DSCAML1: variants seen among roughly 807,000 people sequenced by gnomAD.
DSCAML1 encodes cell adhesion molecule DSCAML1.
Under a neutral mutation model 200.5 loss-of-function variants are expected in DSCAML1, and 38 were observed. The observed-to-expected ratio is 0.19, with a 90% CI of 0.15 to 0.25. The LOEUF is 0.25. DSCAML1 is among the 10% of genes least tolerant of loss of function. DSCAML1 has a pLI of 1.00. For missense variants in DSCAML1, 2,223 were observed against 2,858.8 expected, an observed-to-expected ratio of 0.78 and a Z score of 5.07; for synonymous variants, 1,215 against 1,165.0, an observed-to-expected ratio of 1.04 and a Z score of -0.87.
At chr11:117,809,545 C>T (rs918300906) in intron 1 of DSCAML1, among the ~76,000 whole-genome samples, 1 of 152,198 alleles carries the variant, frequency 6.6e-6, no homozygotes, top group African/African-American at 2.4e-5. Context: ...ACATAGACGG[C>T]GGCCACTCAA....
At chr11:117,672,487 G>A (rs1443550789) in intron 3 of DSCAML1, among the ~76,000 whole-genome samples, 3 of 152,100 alleles carry the variant, frequency 2.0e-5, no homozygotes, top group African/African-American at 4.8e-5. Context: ...TGGCAAAGTC[G>A]AAAAGTGCTC....
At chr11:117,689,802 G>C (rs1197239926) in intron 3 of DSCAML1, among the ~76,000 whole-genome samples, 1 of 152,212 alleles carries the variant, frequency 6.6e-6, no homozygotes, top group Non-Finnish European at 1.5e-5. Flanking sequence ...TCTCCTGGAG[G>C]ATAGGTATTT....
chr11:117,788,258 C>T (rs1407763819), intron 1 of DSCAML1, among the ~76,000 whole-genome samples: 4 of 152,214 alleles, frequency 2.6e-5, no homozygotes, highest in Admixed American at 6.5e-5. Context: ...CCACTACCTT[C>T]CCCATCACAG....
At chr11:117,561,061 AGG>A (rs2050653762) in intron 3 of DSCAML1, among the ~76,000 whole-genome samples, 2 of 152,180 alleles carry the variant, frequency 1.3e-5, no homozygotes, top group African/African-American at 4.8e-5. Context: ...CTCAGGCTGC[AGG>A]GGCAGACCCC....
chr11:117,630,765 C>A (rs533220897), intron 3 of DSCAML1, among the ~76,000 whole-genome samples: 1 of 150,886 alleles, frequency 6.6e-6, no homozygotes, highest in Non-Finnish European at 1.5e-5. Flanking sequence ...TGAGAATGAG[C>A]CTTTCCTGAA....
chr11:117,794,625 C>T (rs1338565995), intron 1 of DSCAML1, among the ~76,000 whole-genome samples: 1 of 152,080 alleles, frequency 6.6e-6, no homozygotes, highest in Non-Finnish European at 1.5e-5. Flanking sequence ...TTTTCTGTAA[C>T]AGGCTCGAAC....
At chr11:117,817,071 T>C (rs917424765) in intron 1 of DSCAML1, among the ~76,000 whole-genome samples, 2 of 152,296 alleles carry the variant, frequency 1.3e-5, no homozygotes, top group East Asian at 3.9e-4. Context: ...GGTGGACCCT[T>C]TAGCAAGGGA....
intron 3 of DSCAML1, among the ~76,000 whole-genome samples, chr11:117,553,473 C>T (rs929029793): frequency 4.6e-5 from 7 of 152,240 alleles, no homozygotes; most frequent in Admixed American, 1.3e-4. Context: ...CATGGTCAAA[C>T]GACTTGAATA....
At chr11:117,573,581 T>C (rs775065897) in intron 3 of DSCAML1, among the ~76,000 whole-genome samples, 6 of 152,124 alleles carry the variant, frequency 3.9e-5, no homozygotes, top group Non-Finnish European at 8.8e-5. Context: ...CAGAGGTAGG[T>C]GGGATCCTGC....
At position 117,481,954 on chromosome 11, in the gene DSCAML1, G is replaced by A. The variant is rs760234767; in HGVS notation, c.2559+9C>T. ...TGGGGTCCCCCAGCACTGAGGTGGG[G>A]GTGCTCACCTTCAGTGTGGAGACGA... On this transcript the variant is annotated intron_variant, in intron 12 of 32. Transcript: ENST00000651296. 3 of 1,613,686 alleles carry A rather than the reference G, an allele frequency of 1.9e-6. No homozygotes were observed. The highest frequency in any genetic ancestry group is 1.3e-5 in the African/African-American group (1 of 74,916).
At chr11:117,487,616 C>A (rs1389100855) in intron 11 of DSCAML1, among the ~76,000 whole-genome samples, 3 of 152,202 alleles carry the variant, frequency 2.0e-5, no homozygotes, top group Non-Finnish European at 4.4e-5. Context: ...CTCATAATTA[C>A]AAGCTCAGGT....
intron 2 of DSCAML1, among the ~76,000 whole-genome samples, chr11:117,779,290 T>C (rs2055190023): frequency 6.6e-6 from 1 of 152,176 alleles, no homozygotes; most frequent in African/African-American, 2.4e-5. Flanking sequence ...CCATTGATTG[T>C]GAGACACCAG....
At chr11:117,669,788 G>T (rs2053063362) in intron 3 of DSCAML1, among the ~76,000 whole-genome samples, 1 of 152,228 alleles carries the variant, frequency 6.6e-6, no homozygotes, top group South Asian at 2.1e-4. Context: ...AGGAACATGT[G>T]CAAAGGCCCT....
rs1407315858 is a variant in DSCAML1 at position 117,780,290 on chromosome 11, AAGAAAGAAAGAAAG to A, written c.364+189_364+202del. 2.2e-3 allele frequency among the ~76,000 whole-genome samples: 217 copies of A among 100,188 alleles called. 7 individuals carry two copies. The highest frequency in any genetic ancestry group is 5.4e-3 in the South Asian group (15 of 2,766). The allele number at this position is 100,188 out of a possible 152,430, so 65.7% of individuals were successfully genotyped here. ...AAAGAAAGAAAGAAAGAAAGAAAGAAAGAAAGAAAGAAAGAGAGAAAGGAGAAAGAAAGGTGTCT... is the reference window on the plus strand; with the variant it reads ...AAAGAAAGAAAGAAAGAAAGAAAGAAAGAGAAAGGAGAAAGAAAGGTGTCT... On this transcript the variant is annotated intron_variant, in intron 2 of 32. Transcript: ENST00000651296. The surrounding 1 kb of genome is among the most constrained non-coding windows in gnomAD (Gnocchi z 4.8).
At chr11:117,672,121 A>AAAAAAAAAAAAAG (rs1555196996) in intron 3 of DSCAML1, among the ~76,000 whole-genome samples, 1 of 147,468 alleles carries the variant, frequency 6.8e-6, no homozygotes, top group Admixed American at 6.8e-5. Context: ...AAAAAAAAAA[A>AAAAAAAAAAAAAG]AAGAAGAAAC....
chr11:117,463,872 A>G lies in DSCAML1; in HGVS notation c.3265+1070T>C, dbSNP rs1363703855. ...AGAATCTCTGGTGTTGAAGCCTGGC[A>G]TCAGTATTTTGAAAGTTCCCCAGAT... On this transcript the variant is annotated intron_variant, in intron 17 of 32. Coordinates refer to ENST00000651296, the MANE Select transcript of DSCAML1 (RefSeq NM_020693.4). The surrounding 1 kb of genome is among the most constrained non-coding windows in gnomAD (Gnocchi z 4.0). 6.6e-6 allele frequency among the ~76,000 whole-genome samples: 1 copy of G among 152,194 alleles called. No individual in the cohort carries two copies. Among genetic ancestry groups the G allele is most frequent in the East Asian group, 1.9e-4 (1 of 5,182 alleles).
At chr11:117,447,964 TCA>T (rs2048213504) in intron 20 of DSCAML1, among the ~76,000 whole-genome samples, 1 of 152,234 alleles carries the variant, frequency 6.6e-6, no homozygotes, top group African/African-American at 2.4e-5. Context: ...CTCACTAAGT[TCA>T]GTTTCCCCCC....
At chr11:117,758,162 A>C (rs954730221) in intron 3 of DSCAML1, among the ~76,000 whole-genome samples, 1 of 151,768 alleles carries the variant, frequency 6.6e-6, no homozygotes, top group African/African-American at 2.4e-5. Context: ...TTAGCTGGGC[A>C]TGGTGGCAGG....
At chr11:117,574,793 T>A (rs1051482410) in intron 3 of DSCAML1, among the ~76,000 whole-genome samples, 2 of 152,112 alleles carry the variant, frequency 1.3e-5, no homozygotes, top group Admixed American at 6.5e-5. Flanking sequence ...GAAAGCAGCA[T>A]GTGCAAAGAG....
Sources: allele counts gnomAD v4.1 joint callset (sites outside exome capture counted in the v4.1 genomes callset), GRCh38; gene constraint gnomAD v4.1.1; non-coding constraint Gnocchi (gnomAD v3.1); transcripts MANE v1.5; gene names NCBI Gene and HGNC (gene_info 2026-07-23, HGNC 2026-07-21).